The following VSTM2B variants were observed in gnomAD, a reference collection of about 807,000 sequenced individuals.
VSTM2B encodes the protein V-set and transmembrane domain-containing protein 2B.
A neutral mutation model predicts 24.0 loss-of-function variants in VSTM2B; 24 were observed. The observed-to-expected ratio is 1.00, with a 90% CI of 0.72 to 1.40. VSTM2B has a LOEUF of 1.40. VSTM2B is among the 40% of genes most tolerant of loss of function. VSTM2B has a pLI of 0.00. For missense variants in VSTM2B, 399 were observed against 416.4 expected (o/e 0.96, Z 0.36); for synonymous variants, 226 against 194.4 (o/e 1.16, Z -1.35).
In VSTM2B at chr19:29,526,057, C is replaced by A. The variant is rs539297880; in HGVS notation, c.-527C>A. ...TCTCCCCGCGCTGCGCTGGGTCGGA[C>A]GCCAGGTCTGCGCGCCGCGGCTGAG... On this transcript the variant is annotated 5_prime_UTR_variant, in exon 1 of 5. Transcript: ENST00000335523. The surrounding 1 kb of genome is among the most constrained non-coding windows in gnomAD (Gnocchi z 4.1). Among the ~76,000 whole-genome samples the A allele has an allele frequency of 2.0e-5, 3 of 152,014 alleles. No homozygotes were observed. The highest frequency in any genetic ancestry group is 1.3e-4 in the Admixed American group (2 of 15,296).
At chr19:29,528,778 G>A (rs976513554) in intron 3 of VSTM2B, among the ~76,000 whole-genome samples, 15 of 152,234 alleles carry the variant, frequency 9.9e-5, no homozygotes, top group Admixed American at 3.3e-4. Context: ...TCCGCTCTGC[G>A]GGCATTCCTC....
intron 4 of VSTM2B, among the ~76,000 whole-genome samples, chr19:29,551,977 A>T (rs192995315): frequency 1.3e-5 from 2 of 152,316 alleles, no homozygotes; most frequent in Non-Finnish European, 2.9e-5. Context: ...TTGTAGGGTC[A>T]ATTTGGGCCT....
chr19:29,547,342 G>A (rs1164641065), intron 4 of VSTM2B, among the ~76,000 whole-genome samples: 2 of 152,138 alleles, frequency 1.3e-5, no homozygotes, highest in Non-Finnish European at 2.9e-5. Flanking sequence ...CTATAAAATA[G>A]GAGTAAAAGT....
At chr19:29,555,094 ACAACGGAATATG>A (rs1204804574) in intron 4 of VSTM2B, among the ~76,000 whole-genome samples, 2 of 152,190 alleles carry the variant, frequency 1.3e-5, no homozygotes, top group African/African-American at 2.4e-5. Flanking sequence ...CCACCCTAAA[ACAACGGAATATG>A]CATTCTTCTT....
rs1206918457 is a variant in VSTM2B at position 29,530,208 on chromosome 19, C to A, written c.687C>A (p.Thr229=). 3.4e-5 allele frequency: 51 copies of A among 1,502,900 alleles called. No individual in the cohort carries two copies. The highest frequency in any genetic ancestry group is 4.4e-5 in the Non-Finnish European group (50 of 1,132,938). 93.1% of individuals were successfully genotyped at this position (1,502,900 alleles called of 1,614,324 possible). A position where few individuals can be genotyped will look rare whatever the true frequency, so the allele number is the denominator to read the frequency against. Residue 229 remains threonine (T), a synonymous_variant, in exon 4 of 5, where the codon ACC becomes ACA. Transcript: ENST00000335523. ...CCTCGGCGGCCCACACGCCCACCAC[C>A]ACAGTCGCGGCAGCTGCTGCTGCCT... ...AAASAAHTPT[T]TVAAAAAASS...
In VSTM2B at chr19:29,526,466, C is replaced by T. The variant is rs1969569020; in HGVS notation, c.-118C>T. The stretch of plus-strand genomic sequence containing the variant: ...CGCCGGCGGCCAGGGGAGGGGGCGC[C>T]GCGCGGGGCCATGGCAGGCTCGGAG... On this transcript the variant is annotated 5_prime_UTR_variant, in exon 1 of 5. Transcript: ENST00000335523. The surrounding 1 kb of genome is among the most constrained non-coding windows in gnomAD (Gnocchi z 4.1). 3 of 558,630 alleles carry T rather than the reference C, an allele frequency of 5.4e-6. No homozygotes were observed. Among genetic ancestry groups the T allele is most frequent in the Admixed American group, 5.0e-5 (1 of 20,120 alleles). The allele number at this position is 558,630 out of a possible 1,614,324, so 34.6% of individuals were successfully genotyped here.
At chr19:29,544,407 T>G (rs574652152) in intron 4 of VSTM2B, among the ~76,000 whole-genome samples, 82 of 151,030 alleles carry the variant, frequency 5.4e-4, no homozygotes, top group African/African-American at 1.9e-3. Context: ...GCACCTGTAA[T>G]CCCAGCTACT....
intron 4 of VSTM2B, among the ~76,000 whole-genome samples, chr19:29,545,243 A>C (rs1970125198): frequency 6.6e-6 from 1 of 152,064 alleles, no homozygotes; most frequent in South Asian, 2.1e-4. Context: ...CCAGGCGAGA[A>C]GAGTTAGGTC....
At chr19:29,552,488 C>CTCTGCTTTTATGGT (rs1970309643) in intron 4 of VSTM2B, among the ~76,000 whole-genome samples, 1 of 152,200 alleles carries the variant, frequency 6.6e-6, no homozygotes, top group Non-Finnish European at 1.5e-5. Flanking sequence ...AAGCACCTAC[C>CTCTGCTTTTATGGT]ACCAGCCAAG....
Position 29,528,463 on chromosome 19 carries a change from G to GTC in VSTM2B, c.297+2_297+3insCT, listed in dbSNP as rs1224811955. 6.4e-7 allele frequency: 1 copy of GTC among 1,550,996 alleles called. No individual in the cohort carries two copies. The highest frequency in any genetic ancestry group is 1.2e-5 in the South Asian group (1 of 84,056). The stretch of plus-strand genomic sequence containing the variant: ...AAATAAGGATGCAACTAAAATCAGC[G>GTC]TAAGTGTGGAGCCCAGCGCGGGCCG... On this transcript the variant is annotated splice_donor_variant, in intron 3 of 4. Coordinates refer to ENST00000335523, the MANE Select transcript of VSTM2B (RefSeq NM_001146339.2). LOFTEE classifies it high-confidence loss of function.
chr19:29,563,947 A>AC lies in VSTM2B; in HGVS notation c.*16dup. The AC allele has an allele frequency of 6.4e-7, 1 of 1,551,928 alleles. No homozygotes were observed. The highest frequency in any genetic ancestry group is 8.7e-7 in the Non-Finnish European group (1 of 1,146,810). ...CTTGGGACATTGACAGACAAGACCA[A>AC]CCCGAGCATCTCAGAGGCCGCACAT... On this transcript the variant is annotated 3_prime_UTR_variant, in exon 5 of 5. Coordinates refer to ENST00000335523, the MANE Select transcript of VSTM2B (RefSeq NM_001146339.2).
intron 4 of VSTM2B, 67 bp from the exon 5 acceptor site, chr19:29,563,779 T>C (rs1970586290): frequency 7.0e-7 from 1 of 1,420,028 alleles, no homozygotes; most frequent in East Asian, 2.5e-5. Flanking sequence ...CTGTTCCTGG[T>C]CTGCTGTGAG....
intron 4 of VSTM2B, among the ~76,000 whole-genome samples, chr19:29,562,757 C>T (rs768649928): frequency 1.2e-4 from 19 of 152,162 alleles, no homozygotes; most frequent in Non-Finnish European, 1.9e-4. Flanking sequence ...TGGGCTTTCC[C>T]CAGTTGCACG....
intron 4 of VSTM2B, among the ~76,000 whole-genome samples, chr19:29,555,814 C>T (rs965006231): frequency 2.0e-5 from 3 of 151,744 alleles, no homozygotes; most frequent in Non-Finnish European, 2.9e-5. Context: ...CTATAAGAAA[C>T]GAAAAAATTT....
In VSTM2B at chr19:29,564,158, A is replaced by AT. The variant is rs1970596988; in HGVS notation, c.*225dup. 2 of 475,358 alleles carry AT rather than the reference A, an allele frequency of 4.2e-6. No individual in the cohort carries two copies. The highest frequency in any genetic ancestry group is 2.0e-5 in the African/African-American group (1 of 50,852). The allele number at this position is 475,358 out of a possible 1,614,324, so 29.4% of individuals were successfully genotyped here. ...TTGGAGTTTGGCCCATGCAGTCTGC[A>AT]TGGGAATCAATGATTTCTCTACTTC... On this transcript the variant is annotated 3_prime_UTR_variant, in exon 5 of 5. Coordinates refer to ENST00000335523, the MANE Select transcript of VSTM2B (RefSeq NM_001146339.2).
At chr19:29,529,562 G>A (rs1392864309) in intron 3 of VSTM2B, among the ~76,000 whole-genome samples, 2 of 152,222 alleles carry the variant, frequency 1.3e-5, no homozygotes, top group Non-Finnish European at 2.9e-5. Context: ...CGGGGCAGAT[G>A]CAAGGTGGGC....
At chr19:29,554,393 C>T (rs773206351) in intron 4 of VSTM2B, among the ~76,000 whole-genome samples, 54 of 152,220 alleles carry the variant, frequency 3.5e-4, no homozygotes, top group Non-Finnish European at 7.2e-4. Context: ...ACCACTAGGC[C>T]TGCCTTGCAA....
At chr19:29,563,410 A>AT (rs1243981645) in intron 4 of VSTM2B, among the ~76,000 whole-genome samples, 1 of 151,830 alleles carries the variant, frequency 6.6e-6, no homozygotes, top group Admixed American at 6.6e-5. Context: ...CACACAGCTA[A>AT]TTTTTTATTT....
Position 29,530,123 on chromosome 19 carries a change from GCCCGCCGCCCGGGAGCCCT to G in VSTM2B, c.612_630del (p.Gly205SerfsTer63). The G allele has an allele frequency of 6.9e-7, 1 of 1,445,800 alleles. No homozygotes were observed. The highest frequency in any genetic ancestry group is 9.0e-7 in the Non-Finnish European group (1 of 1,107,790). 89.6% of individuals were successfully genotyped at this position (1,445,800 alleles called of 1,614,324 possible). On this transcript the variant is annotated frameshift_variant, in exon 4 of 5. Transcript: ENST00000335523. LOFTEE classifies it high-confidence loss of function. The stretch of plus-strand genomic sequence containing the variant: ...TCCGAGCCCGGCCGCGGCGACAAGA[GCCCGCCGCCCGGGAGCCCT>G]CCCGCCGCCATCGATCCCGCAGTCC...
Sources: gnomAD v4.1 joint callset for allele counts (sites outside exome capture counted in the v4.1 genomes callset) on GRCh38, gnomAD v4.1.1 for gene constraint, Gnocchi (gnomAD v3.1) non-coding constraint, MANE v1.5 for transcripts, NCBI Gene and HGNC (gene_info 2026-07-23, HGNC 2026-07-21) for gene names.